Variants in ATG7 observed in about 807,000 individuals in gnomAD.
ATG7 encodes the protein ubiquitin-like modifier-activating enzyme ATG7.
In ATG7, 70 loss-of-function variants were observed where a neutral mutation model predicts 82.4. That is an observed-to-expected ratio of 0.85 (90% CI 0.70 to 1.04). ATG7 has a LOEUF of 1.04. Ranked by LOEUF, ATG7 falls within the 50% of genes least tolerant of loss-of-function variation. The probability of loss-of-function intolerance (pLI) is 0.00; values close to 1 mark genes in which losing one functional copy is unlikely to be tolerated. For synonymous variants in ATG7, 287 were observed against 313.0 expected, an observed-to-expected ratio of 0.92 and a Z score of 0.88; for missense variants, 792 against 864.3, an observed-to-expected ratio of 0.92 and a Z score of 1.05.
intron 19 of ATG7, among the ~76,000 whole-genome samples, chr3:11,389,437 C>CTTTTT (rs34261811): frequency 8.4e-6 from 1 of 118,930 alleles, no homozygotes. Context: ...TTTGTTAGTG[C>CTTTTT]TTTTTTTTTT....
At chr3:11,384,294 A>C (rs144000773) in intron 19 of ATG7, among the ~76,000 whole-genome samples, 57 of 152,340 alleles carry the variant, frequency 3.7e-4, no homozygotes, top group African/African-American at 1.3e-3. Flanking sequence ...CCTGTTGTGA[A>C]GAATCAGGCT....
At chr3:11,549,171 C>T (rs997296712) in intron 20 of ATG7, among the ~76,000 whole-genome samples, 3 of 151,982 alleles carry the variant, frequency 2.0e-5, no homozygotes, top group African/African-American at 7.3e-5. Flanking sequence ...TTCCTGTCAC[C>T]ACAGATGGGT....
intron 19 of ATG7, among the ~76,000 whole-genome samples, chr3:11,417,920 G>T (rs2081540644): frequency 6.7e-6 from 1 of 150,032 alleles, no homozygotes; most frequent in Non-Finnish European, 1.5e-5. Context: ...ACGCCATTCT[G>T]CCTCAGCCTC....
chr3:11,451,432 ACCT>A (rs2085121273), intron 20 of ATG7, among the ~76,000 whole-genome samples: 2 of 152,108 alleles, frequency 1.3e-5, no homozygotes, highest in Non-Finnish European at 2.9e-5. Context: ...GCTGGTCCTG[ACCT>A]CCTGGCCTCA....
At chr3:11,527,059 G>GTT (rs2092595778) in intron 20 of ATG7, among the ~76,000 whole-genome samples, 1 of 106,642 alleles carries the variant, frequency 9.4e-6, no homozygotes, top group Non-Finnish European at 1.9e-5. Flanking sequence ...GTGTGTGTGT[G>GTT]TGTGTGTGTG....
rs1051742674 is a variant in ATG7 at position 11,442,751 on chromosome 3, A to C, written c.2079+15825A>C. Among the ~76,000 whole-genome samples, 66 of 142,464 alleles carry C rather than the reference A, an allele frequency of 4.6e-4. 1 individual carries two copies. The highest frequency in any genetic ancestry group is 8.9e-4 in the African/African-American group (32 of 36,064). 93.5% of individuals were successfully genotyped at this position (142,464 alleles called of 152,430 possible). On this transcript the variant is annotated intron_variant, in intron 20 of 20. Coordinates refer to ENST00000693202, the MANE Select transcript of ATG7 (RefSeq NM_001349232.2). ...GACTCCATCTCTACAAAAAAAAAAA[A>C]AAAAAAAAAAAAAAAAAAAATTAGC...
chr3:11,468,592 C>T (rs1420709480), intron 20 of ATG7, among the ~76,000 whole-genome samples: 3 of 152,172 alleles, frequency 2.0e-5, no homozygotes, highest in African/African-American at 4.8e-5. Flanking sequence ...CAGAGAGGGA[C>T]GTTCATGCTA....
At chr3:11,361,285 TC>T (rs1275824538) in intron 16 of ATG7, among the ~76,000 whole-genome samples, 1 of 151,678 alleles carries the variant, frequency 6.6e-6, no homozygotes, top group African/African-American at 2.4e-5. Flanking sequence ...AATAATGAAT[TC>T]TTTTTTTTTT....
intron 20 of ATG7, among the ~76,000 whole-genome samples, chr3:11,479,483 G>A (rs1162022941): frequency 3.9e-5 from 6 of 152,104 alleles, no homozygotes; most frequent in Non-Finnish European, 7.3e-5. Context: ...TACTTCCAAA[G>A]CCCAGATATT....
intron 20 of ATG7, among the ~76,000 whole-genome samples, chr3:11,484,786 A>T (rs1045478493): frequency 2.6e-5 from 4 of 152,170 alleles, no homozygotes; most frequent in African/African-American, 9.7e-5. Context: ...GAGTGAGAAT[A>T]TGCAGTGTTT....
chr3:11,391,695 G>C (rs967329748), intron 19 of ATG7, among the ~76,000 whole-genome samples: 6 of 152,166 alleles, frequency 3.9e-5, no homozygotes, highest in African/African-American at 9.7e-5. Context: ...GGGAGGACTT[G>C]GTTTAATCTT....
chr3:11,328,970 T>C (rs755910190), intron 9 of ATG7, among the ~76,000 whole-genome samples: 2 of 152,160 alleles, frequency 1.3e-5, no homozygotes, highest in Non-Finnish European at 2.9e-5. Context: ...CATGCCTGTC[T>C]GTAGTCCCAG....
chr3:11,334,296 G>C (rs1208474107), intron 11 of ATG7, among the ~76,000 whole-genome samples: 2 of 152,044 alleles, frequency 1.3e-5, no homozygotes, highest in East Asian at 3.9e-4. Context: ...CCAGGCTGGA[G>C]TGCAGTGGCA....
At chr3:11,477,902 A>T (rs1038758016) in intron 20 of ATG7, among the ~76,000 whole-genome samples, 1 of 152,222 alleles carries the variant, frequency 6.6e-6, no homozygotes, top group African/African-American at 2.4e-5. Context: ...TGATATCAGT[A>T]GCCCCAGACT....
chr3:11,307,075 C>G lies in ATG7; in HGVS notation c.333+15C>G. On this transcript the variant is annotated intron_variant, in intron 6 of 20. Transcript: ENST00000693202. ...CAGCAAATGAGGTTAGCTGTGAAAACGTGATGTATGTGTCATATTTCCTGT... is the reference window on the plus strand; with the variant it reads ...CAGCAAATGAGGTTAGCTGTGAAAAGGTGATGTATGTGTCATATTTCCTGT... 1 of 1,598,170 alleles carries G rather than the reference C, an allele frequency of 6.3e-7. No individual in the cohort carries two copies. Among genetic ancestry groups the G allele is most frequent in the Non-Finnish European group, 8.6e-7 (1 of 1,165,624 alleles).
At chr3:11,510,927 C>T (rs1275265671) in intron 20 of ATG7, among the ~76,000 whole-genome samples, 2 of 152,086 alleles carry the variant, frequency 1.3e-5, no homozygotes, top group Non-Finnish European at 2.9e-5. Context: ...AATGAAGCCG[C>T]GGACCCTCGC....
intron 14 of ATG7, 54 bp downstream of exon 14, chr3:11,348,089 T>C (rs1954843950): frequency 6.5e-7 from 1 of 1,547,314 alleles, no homozygotes; most frequent in Non-Finnish European, 8.7e-7. Flanking sequence ...TGTTTAAGTC[T>C]TGGGAAATGA....
chr3:11,418,354 C>T (rs1335215397), intron 19 of ATG7, among the ~76,000 whole-genome samples: 1 of 151,436 alleles, frequency 6.6e-6, no homozygotes, highest in Non-Finnish European at 1.5e-5. Context: ...CTCAAGTGAT[C>T]CTCCTATCTC....
intron 18 of ATG7, among the ~76,000 whole-genome samples, chr3:11,374,380 T>C (rs2152835981): frequency 6.6e-6 from 1 of 152,322 alleles, no homozygotes; most frequent in South Asian, 2.1e-4. Flanking sequence ...GCATTCCACA[T>C]GCAAAAGAAT....
Sources: allele counts gnomAD v4.1 joint callset (sites outside exome capture counted in the v4.1 genomes callset), GRCh38; gene constraint gnomAD v4.1.1; transcripts MANE v1.5; gene names NCBI Gene and HGNC (gene_info 2026-07-23, HGNC 2026-07-21).